The following UNC5D variants were observed in gnomAD, a reference collection of about 807,000 sequenced individuals.
UNC5D encodes unc-5 netrin receptor D.
In UNC5D, 39 loss-of-function variants were observed where a neutral mutation model predicts 105.4. The observed-to-expected ratio is 0.37, with a 90% CI of 0.29 to 0.48. UNC5D has a LOEUF of 0.48. Among genes scored for constraint, UNC5D ranks in the 20% least tolerant of loss-of-function variants. UNC5D has a pLI of 0.98. For missense variants in UNC5D, 991 were observed against 1,202.4 expected, an observed-to-expected ratio of 0.82 and a Z score of 2.60; for synonymous variants, 452 against 450.4, an observed-to-expected ratio of 1.00 and a Z score of -0.04.
rs181993753 is a variant in UNC5D at position 35,354,765 on chromosome 8, C to A, written c.103+118878C>A. On this transcript the variant is annotated intron_variant, in intron 1 of 16. Coordinates refer to ENST00000404895, the MANE Select transcript of UNC5D (RefSeq NM_080872.4). ...ATTTTATGTAGGTCAGGATTTTCTG[C>A]GTCAGGATGTTGGGAAGGGCACAGC... is the stretch of plus-strand genomic sequence containing the variant. Among the ~76,000 whole-genome samples the A allele has an allele frequency of 2.1e-3, 318 of 152,236 alleles. 2 individuals carry two copies. Among genetic ancestry groups the A allele is most frequent in the Non-Finnish European group, 2.9e-3 (197 of 68,014 alleles).
chr8:35,438,229 A>G (rs1807157876), intron 1 of UNC5D, among the ~76,000 whole-genome samples: 1 of 152,082 alleles, frequency 6.6e-6, no homozygotes, highest in Non-Finnish European at 1.5e-5. Flanking sequence ...GTCTCCATTT[A>G]GTAATAATGG....
At chr8:35,410,385 C>T (rs1450369223) in intron 1 of UNC5D, among the ~76,000 whole-genome samples, 1 of 152,016 alleles carries the variant, frequency 6.6e-6, no homozygotes, top group Non-Finnish European at 1.5e-5. Context: ...GATGTTCTAG[C>T]AGTACCATGG....
chr8:35,299,212 A>G (rs1260554111), intron 1 of UNC5D, among the ~76,000 whole-genome samples: 1 of 152,154 alleles, frequency 6.6e-6, no homozygotes, highest in Non-Finnish European at 1.5e-5. Context: ...ATATGTTATG[A>G]TGGGTGGGAG....
chr8:35,615,934 A>G (rs765544472), intron 4 of UNC5D, among the ~76,000 whole-genome samples: 24 of 152,340 alleles, frequency 1.6e-4, no homozygotes, highest in Admixed American at 5.2e-4. Context: ...TCTCATATAC[A>G]TGGACTCATC....
At position 35,596,797 on chromosome 8, in the gene UNC5D, T is replaced by C. The variant is rs550934512; in HGVS notation, c.570+1140T>C. Among the ~76,000 whole-genome samples, 6 of 152,308 alleles carry C rather than the reference T, an allele frequency of 3.9e-5. No individual in the cohort carries two copies. The South Asian group carries it at 1.2e-3, about 32-fold the overall frequency. On this transcript the variant is annotated intron_variant, in intron 4 of 16. Transcript: ENST00000404895. ...TGATTAGCCTCTCCAAAGGATGCGA[T>C]CAGATATGCATTTATCTCAGTGAGC...
At position 35,795,994 on chromosome 8, in the gene UNC5D, A is replaced by AAAAC. The variant is rs1586660458; in HGVS notation, c.*5433_*5436dup. The AAAAC allele has an allele frequency of 6.6e-6, 1 of 152,314 alleles. No individual in the cohort carries two copies. The highest frequency in any genetic ancestry group is 1.9e-4 in the East Asian group (1 of 5,182). The allele number at this position is 152,314 out of a possible 1,614,324, so 9.4% of individuals were successfully genotyped here. ...ACCTCCATTTCTGCATGAAGATTTT[A>AAAAC]AAACAGATTTCATTTTTTTCTGTTT... On this transcript the variant is annotated 3_prime_UTR_variant, in exon 17 of 17. Coordinates refer to ENST00000404895, the MANE Select transcript of UNC5D (RefSeq NM_080872.4).
intron 7 of UNC5D, among the ~76,000 whole-genome samples, chr8:35,696,496 A>C (rs1334994846): frequency 6.6e-6 from 1 of 152,104 alleles, no homozygotes; most frequent in African/African-American, 2.4e-5. Flanking sequence ...TGGACTAGAG[A>C]AAGATTTAAT....
chr8:35,377,075 A>G (rs28483932), intron 1 of UNC5D, among the ~76,000 whole-genome samples: 7,981 of 152,230 alleles, frequency 0.052, 244 homozygotes, highest in African/African-American at 0.086. Flanking sequence ...GCTTTTTCAC[A>G]AGAGCACACC....
intron 7 of UNC5D, among the ~76,000 whole-genome samples, chr8:35,700,849 C>T (rs1483516003): frequency 6.6e-6 from 1 of 152,026 alleles, no homozygotes; most frequent in Non-Finnish European, 1.5e-5. Context: ...TTCTTTCATG[C>T]TAATATTAGA....
chr8:35,643,706 G>A (rs1822887319), intron 4 of UNC5D, among the ~76,000 whole-genome samples: 1 of 152,038 alleles, frequency 6.6e-6, no homozygotes, highest in Admixed American at 6.6e-5. Context: ...AATCAGATCA[G>A]TCCTTGCATG....
At chr8:35,774,925 C>CAAA (rs1802174425) in intron 16 of UNC5D, among the ~76,000 whole-genome samples, 1 of 107,978 alleles carries the variant, frequency 9.3e-6, no homozygotes, top group African/African-American at 1.4e-4. Context: ...AGACCCTCCT[C>CAAA]CAAAAAAAAA....
chr8:35,288,770 T>C (rs765346537), intron 1 of UNC5D, among the ~76,000 whole-genome samples: 1 of 152,192 alleles, frequency 6.6e-6, no homozygotes, highest in Non-Finnish European at 1.5e-5. Flanking sequence ...CAAGTTGTTA[T>C]CAGCTTAAAG....
chr8:35,236,888 A>G (rs1338421342), intron 1 of UNC5D, among the ~76,000 whole-genome samples: 3 of 152,032 alleles, frequency 2.0e-5, no homozygotes, highest in African/African-American at 7.2e-5. Context: ...AGAATATGTG[A>G]TACCGTTAAA....
chr8:35,752,984 A>G (rs1395466222), intron 13 of UNC5D, among the ~76,000 whole-genome samples: 2 of 152,178 alleles, frequency 1.3e-5, no homozygotes, highest in Non-Finnish European at 2.9e-5. Context: ...TCTTTGAATA[A>G]TAGTCTCCCA....
chr8:35,522,830 A>G (rs1357466344), intron 1 of UNC5D, among the ~76,000 whole-genome samples: 1 of 152,160 alleles, frequency 6.6e-6, no homozygotes, highest in Non-Finnish European at 1.5e-5. Flanking sequence ...TTCCATAATA[A>G]AGACATCCCT....
At chr8:35,537,597 C>A (rs886490018) in intron 1 of UNC5D, among the ~76,000 whole-genome samples, 1 of 152,014 alleles carries the variant, frequency 6.6e-6, no homozygotes, top group Admixed American at 6.6e-5. Context: ...AGGAGGACCA[C>A]TTGACCCTGG....
intron 2 of UNC5D, among the ~76,000 whole-genome samples, chr8:35,563,415 T>G (rs1262415807): frequency 6.6e-6 from 1 of 152,008 alleles, no homozygotes; most frequent in Non-Finnish European, 1.5e-5. Context: ...GATTTCTTTT[T>G]CAGATTATTC....
intron 1 of UNC5D, among the ~76,000 whole-genome samples, chr8:35,463,343 G>A (rs745549040): frequency 4.6e-5 from 7 of 152,120 alleles, no homozygotes; most frequent in Non-Finnish European, 1.0e-4. Context: ...ATGGAAATAC[G>A]ACAGTTTTAA....
intron 15 of UNC5D, among the ~76,000 whole-genome samples, chr8:35,768,549 T>C (rs1801872228): frequency 1.3e-5 from 2 of 152,220 alleles, no homozygotes; most frequent in Non-Finnish European, 2.9e-5. Flanking sequence ...CAAATTGCCC[T>C]AGATGTCCGT....
Sources: allele counts gnomAD v4.1 joint callset (sites outside exome capture counted in the v4.1 genomes callset), GRCh38; gene constraint gnomAD v4.1.1; transcripts MANE v1.5; gene names NCBI Gene and HGNC (gene_info 2026-07-23, HGNC 2026-07-21).